Variants in DNPEP observed in about 807,000 individuals in gnomAD.
DNPEP encodes aspartyl aminopeptidase.
DNPEP carries 46 observed loss-of-function variants against 59.1 expected under a neutral mutation model. The ratio of observed to expected loss-of-function variants is 0.78; its 90% CI spans 0.61 to 0.99. The LOEUF is 0.99. Among genes scored for constraint, DNPEP ranks in the 50% least tolerant of loss-of-function variants. DNPEP has a pLI of 0.00. For synonymous variants in DNPEP, 229 were observed against 242.2 expected, an observed-to-expected ratio of 0.95 and a Z score of 0.50; for missense variants, 617 against 649.9, an observed-to-expected ratio of 0.95 and a Z score of 0.55.
chr2:219,384,507 C>T, intron 8 of DNPEP, 64 bp from the exon 9 acceptor site: 13 of 1,402,966 alleles, frequency 9.3e-6, no homozygotes, highest in Non-Finnish European at 1.3e-5. Context: ...TTCTTTTGCT[C>T]CCAAGGGTCT....
intron 1 of DNPEP, among the ~76,000 whole-genome samples, chr2:219,395,315 C>T (rs1232650212): frequency 6.6e-6 from 1 of 152,146 alleles, no homozygotes. Flanking sequence ...GACAGTAGAA[C>T]CACTGTCACC....
chr2:219,385,308 G>A (rs1021766590), intron 8 of DNPEP, 116 bp downstream of exon 8: 16 of 655,614 alleles, frequency 2.4e-5, no homozygotes, highest in South Asian at 6.0e-5. Context: ...TGGGAAAAAC[G>A]GGGATGAGAG....
chr2:219,386,293 A>G lies in DNPEP; in HGVS notation c.452T>C (p.Ile151Thr). The G allele has an allele frequency of 1.2e-6, 2 of 1,614,116 alleles. No individual in the cohort carries two copies. The highest frequency in any genetic ancestry group is 1.7e-6 in the Non-Finnish European group (2 of 1,179,996). ...CCCAACCTCGGTTCCCACCTTGACA[A>G]TGACGCGTCCAGCCAGAGTCAGGTC... is the stretch of plus-strand genomic sequence containing the variant. ...DRDLTLAGRV[I>T]VKCPTSGRLE... Residue 151 changes from isoleucine to threonine, a missense_variant, in exon 5 of 15, where the codon ATT (isoleucine) becomes ACT (threonine). Transcript: ENST00000273075.
chr2:219,392,921 C>T (rs1954041482), upstream of DNPEP, among the ~76,000 whole-genome samples: 1 of 152,226 alleles, frequency 6.6e-6, no homozygotes, highest in East Asian at 1.9e-4. Context: ...CCCTCGCACA[C>T]ACCTTCAAGT....
In DNPEP at chr2:219,387,739, G is replaced by C. The variant is rs552062844; in HGVS notation, c.36+20C>G. ...CGGTCTGGGATCGAAATTCAAGTGG[G>C]GCCGTCGGGAGCCACTTACCTGCAT... On this transcript the variant is annotated intron_variant, in intron 1 of 14. Coordinates refer to ENST00000273075, the MANE Select transcript of DNPEP (RefSeq NM_012100.4). 1.2e-6 allele frequency: 2 copies of C among 1,607,708 alleles called. No individual in the cohort carries two copies. The highest frequency in any genetic ancestry group is 2.7e-5 in the African/African-American group (2 of 74,342).
chr2:219,372,247 C>G lies in DNPEP; in HGVS notation c.*2045G>C, dbSNP rs11674368. Among the ~76,000 whole-genome samples, 140,324 of 152,248 alleles carry G rather than the reference C, an allele frequency of 0.92. 65,777 individuals carry two copies. The highest frequency in any genetic ancestry group is 1 in the East Asian group (5,196 of 5,196). The stretch of plus-strand genomic sequence containing the variant: ...ACAAAAGGAAACCATTACAAAAAGG[C>G]TAAGGCCCTTTTGTCACTCCCAACC... On this transcript the variant is annotated 3_prime_UTR_variant, in exon 15 of 15. Transcript: ENST00000273075.
chr2:219,392,289 G>A (rs919909741), upstream of DNPEP, among the ~76,000 whole-genome samples: 2 of 151,826 alleles, frequency 1.3e-5, no homozygotes, highest in Non-Finnish European at 2.9e-5. Flanking sequence ...ATACTTTTGC[G>A]TGAACATAGA....
chr2:219,373,527 T>G lies in DNPEP; in HGVS notation c.*765A>C, dbSNP rs548380499. On this transcript the variant is annotated 3_prime_UTR_variant, in exon 15 of 15. Transcript: ENST00000273075. The stretch of plus-strand genomic sequence containing the variant: ...GGTGTGTGCCACCATGCCTGGCTAA[T>G]TTTTTTGTATTTTTTTTTAAGTAGA... 2 of 152,216 alleles carry G rather than the reference T, an allele frequency of 1.3e-5. No homozygotes were observed. Among genetic ancestry groups the G allele is most frequent in the East Asian group, 3.9e-4 (2 of 5,174 alleles). 9.4% of individuals were successfully genotyped at this position (152,216 alleles called of 1,614,324 possible).
At chr2:219,387,550 C>A in intron 1 of DNPEP, 1 of 1,376,194 alleles carries the variant, frequency 7.3e-7, no homozygotes, top group Non-Finnish European at 9.4e-7. Flanking sequence ...CCCCAAGGAG[C>A]ACCCTGACTC....
chr2:219,386,801 CAG>C (rs1407021876), intron 3 of DNPEP, 23 bp from the exon 4 acceptor site: 5 of 1,611,664 alleles, frequency 3.1e-6, no homozygotes, highest in African/African-American at 1.3e-5. Context: ...GGAGGAAAGA[CAG>C]GGGTGTGAGT....
chr2:219,392,550 C>A (rs1954035281), upstream of DNPEP, among the ~76,000 whole-genome samples: 1 of 152,052 alleles, frequency 6.6e-6, no homozygotes, highest in South Asian at 2.1e-4. Context: ...ACTCTGTTGT[C>A]CAGGCTGGAG....
chr2:219,387,345 C>T (rs962254817), intron 1 of DNPEP, 182 bp from the exon 2 acceptor site: 196 of 1,444,472 alleles, frequency 1.4e-4, no homozygotes, highest in Non-Finnish European at 1.7e-4. Flanking sequence ...AAGCTTCAGC[C>T]CGCCGGCCCA....
At chr2:219,376,348 C>T (rs1024866330) in intron 13 of DNPEP, among the ~76,000 whole-genome samples, 18 of 151,858 alleles carry the variant, frequency 1.2e-4, no homozygotes, top group African/African-American at 4.4e-4. Flanking sequence ...AACAGCCGGG[C>T]ATGGTGGTGC....
Position 219,386,373 on chromosome 2 carries a change from C to A in DNPEP, c.372G>T (p.Gln124His), listed in dbSNP as rs1308807470. The A allele has an allele frequency of 4.3e-6, 7 of 1,614,106 alleles. No homozygotes were observed. The highest frequency in any genetic ancestry group is 5.9e-6 in the Non-Finnish European group (7 of 1,180,048). ...RRSRRSQVGFQQVGVETYGGG... is the reference protein window; with the variant it reads ...RRSRRSQVGFHQVGVETYGGG... ...CACCATAGGTCTCCACACCGACTTGCTGGAAGCCCACCTGGCTGCGGCGAG... is the reference window on the plus strand; with the variant it reads ...CACCATAGGTCTCCACACCGACTTGATGGAAGCCCACCTGGCTGCGGCGAG... The change falls in exon 5 of 15, where the codon CAG becomes CAT. Residue 124 changes from glutamine (Q) to histidine (H), a missense_variant. Physicochemically the swap from Gln to His is conservative, Grantham distance 24. Coordinates refer to ENST00000273075, the MANE Select transcript of DNPEP (RefSeq NM_012100.4).
chr2:219,381,313 C>T (rs1303107425), intron 13 of DNPEP, 22 bp downstream of exon 13: 7 of 1,609,618 alleles, frequency 4.3e-6, no homozygotes, highest in Non-Finnish European at 5.1e-6. Context: ...ATCACACCTT[C>T]CCAGGCAGGG....
chr2:219,386,025 G>C lies in DNPEP; in HGVS notation c.533C>G (p.Ala178Gly), dbSNP rs748908200. Residue 178 changes from alanine (A) to glycine (G), a missense_variant, in exon 6 of 15, where the codon GCC (alanine) becomes GGC (glycine). Ala to Gly is a moderately conservative substitution (Grantham distance 60). Transcript: ENST00000273075. ...GTTGATATTTCGCTGCAGATGGATG[G>C]CCAGGTGTGGGATGCGAAGAATGGG... is the stretch of plus-strand genomic sequence containing the variant. ...ERPILRIPHLAIHLQRNINEN... is the reference protein window; with the variant it reads ...ERPILRIPHLGIHLQRNINEN... 2 of 1,614,046 alleles carry C rather than the reference G, an allele frequency of 1.2e-6. No homozygotes were observed. The highest frequency in any genetic ancestry group is 1.6e-4 in the Middle Eastern group (1 of 6,084).
upstream of DNPEP, chr2:219,388,847 C>A: frequency 1.0e-6 from 1 of 985,470 alleles, no homozygotes; most frequent in Non-Finnish European, 1.2e-6. Flanking sequence ...GTTTAATCTT[C>A]ACAACTGCCC....
intron 14 of DNPEP, 144 bp from the exon 15 acceptor site, chr2:219,374,486 C>G: frequency 1.4e-6 from 1 of 735,186 alleles, no homozygotes; most frequent in South Asian, 1.7e-5. Flanking sequence ...GTCTTCTCAG[C>G]CCTGATCCCC....
intron 13 of DNPEP, among the ~76,000 whole-genome samples, chr2:219,380,513 C>T (rs1196787059): frequency 6.6e-6 from 1 of 152,110 alleles, no homozygotes; most frequent in Non-Finnish European, 1.5e-5. Context: ...TGAGCCAACA[C>T]GCCTGGCCTT....
Sources: allele counts gnomAD v4.1 joint callset (sites outside exome capture counted in the v4.1 genomes callset), GRCh38; gene constraint gnomAD v4.1.1; transcripts MANE v1.5; gene names NCBI Gene and HGNC (gene_info 2026-07-23, HGNC 2026-07-21).